SNTG2: variants seen among roughly 807,000 people sequenced by gnomAD.
The protein encoded by SNTG2 is syntrophin gamma 2, also known as gamma-2-syntrophin.
Under a neutral mutation model 70.9 loss-of-function variants are expected in SNTG2, and 74 were observed. The observed-to-expected ratio is 1.04, with a 90% CI of 0.86 to 1.27. The LOEUF is 1.27. SNTG2 is among the 50% of genes most tolerant of loss of function. SNTG2 has a pLI of 0.00. For missense variants in SNTG2, 717 were observed against 690.7 expected, an observed-to-expected ratio of 1.04 and a Z score of -0.43; for synonymous variants, 278 against 273.8, an observed-to-expected ratio of 1.02 and a Z score of -0.15.
At chr2:967,349 GTA>G (rs1336458504) in intron 1 of SNTG2, among the ~76,000 whole-genome samples, 3 of 152,192 alleles carry the variant, frequency 2.0e-5, no homozygotes, top group Non-Finnish European at 4.4e-5. Flanking sequence ...AAATGTCACC[GTA>G]TGTACTTTAG....
At chr2:1,355,164 A>G (rs531775858) in intron 16 of SNTG2, among the ~76,000 whole-genome samples, 1 of 152,338 alleles carries the variant, frequency 6.6e-6, no homozygotes, top group South Asian at 2.1e-4. Flanking sequence ...CTGGGAAATC[A>G]CGTAATCTTT....
intron 1 of SNTG2, among the ~76,000 whole-genome samples, chr2:1,045,327 TA>T (rs1031052419): frequency 1.3e-5 from 2 of 151,076 alleles, no homozygotes; most frequent in Non-Finnish European, 1.5e-5. Flanking sequence ...TTTTATTCAC[TA>T]AAAAAAAACT....
chr2:1,144,840 G>A (rs1572556999), intron 6 of SNTG2, among the ~76,000 whole-genome samples: 1 of 152,196 alleles, frequency 6.6e-6, no homozygotes, highest in East Asian at 1.9e-4. Context: ...GATTTGGGTG[G>A]GGACACAGCC....
chr2:1,318,908 C>T (rs1681407357), intron 16 of SNTG2, among the ~76,000 whole-genome samples: 1 of 152,188 alleles, frequency 6.6e-6, no homozygotes, highest in African/African-American at 2.4e-5. Context: ...CTTTCTGAGC[C>T]TCTGTCATCC....
chr2:1,176,707 GAC>G (rs1461081380), intron 8 of SNTG2, among the ~76,000 whole-genome samples: 1 of 151,510 alleles, frequency 6.6e-6, no homozygotes. Context: ...CTCAAAAGAA[GAC>G]ATTCATGTGG....
chr2:1,248,077 TA>T (rs1677540796), intron 12 of SNTG2, among the ~76,000 whole-genome samples: 1 of 152,196 alleles, frequency 6.6e-6, no homozygotes, highest in Non-Finnish European at 1.5e-5. Flanking sequence ...GAGCTTCAGG[TA>T]CCTACACGTT....
chr2:1,078,060 T>C (rs995616829), intron 1 of SNTG2, among the ~76,000 whole-genome samples: 2 of 152,220 alleles, frequency 1.3e-5, no homozygotes, highest in African/African-American at 4.8e-5. Context: ...ATTGTTAGAA[T>C]TGTAAGGCTA....
intron 1 of SNTG2, among the ~76,000 whole-genome samples, chr2:1,053,174 C>T (rs1662171739): frequency 6.6e-6 from 1 of 152,202 alleles, no homozygotes; most frequent in Non-Finnish European, 1.5e-5. Flanking sequence ...AGACATCAGT[C>T]AGCTTCCATT....
At chr2:1,138,296 A>G (rs1180878666) in intron 6 of SNTG2, among the ~76,000 whole-genome samples, 1 of 152,228 alleles carries the variant, frequency 6.6e-6, no homozygotes, top group Non-Finnish European at 1.5e-5. Flanking sequence ...TGAGGATCAC[A>G]TAAGATGGTG....
At chr2:1,261,914 C>T (rs1466761768) in intron 13 of SNTG2, among the ~76,000 whole-genome samples, 4 of 152,096 alleles carry the variant, frequency 2.6e-5, no homozygotes, top group African/African-American at 7.2e-5. Context: ...AAGCTCATCC[C>T]GAATCCCGCT....
chr2:1,054,387 T>G (rs1662260445), intron 1 of SNTG2, among the ~76,000 whole-genome samples: 1 of 152,200 alleles, frequency 6.6e-6, no homozygotes. Context: ...CTAGCATTTT[T>G]AATTATCTAA....
chr2:955,121 T>G (rs1056695572), intron 1 of SNTG2, among the ~76,000 whole-genome samples: 14 of 152,200 alleles, frequency 9.2e-5, no homozygotes, highest in African/African-American at 3.1e-4. Context: ...AACTGCTAAG[T>G]TTTAATTCTG....
intron 6 of SNTG2, among the ~76,000 whole-genome samples, chr2:1,157,488 C>T (rs1193494504): frequency 6.6e-6 from 1 of 152,218 alleles, no homozygotes; most frequent in Non-Finnish European, 1.5e-5. Flanking sequence ...AAGAGGCCTT[C>T]ACACTTAGAA....
chr2:1,306,774 C>T (rs1208190285), intron 14 of SNTG2, among the ~76,000 whole-genome samples: 1 of 148,182 alleles, frequency 6.7e-6, no homozygotes, highest in Non-Finnish European at 1.5e-5. Flanking sequence ...TGCTGTGTGT[C>T]ACCTGTGTAC....
intron 1 of SNTG2, among the ~76,000 whole-genome samples, chr2:985,644 C>T (rs1035453703): frequency 3.3e-5 from 5 of 152,106 alleles, no homozygotes; most frequent in African/African-American, 1.2e-4. Flanking sequence ...CTCAGGCCTT[C>T]AGTCAGAAAT....
chr2:1,340,540 A>G (rs960918548), intron 16 of SNTG2, among the ~76,000 whole-genome samples: 3 of 152,244 alleles, frequency 2.0e-5, no homozygotes, highest in Admixed American at 6.5e-5. Flanking sequence ...CCAAAAAGAT[A>G]TGATCACCTC....
rs78190893 is a variant in SNTG2, at chr2:1,295,322, G to T, written c.1285-13172G>T. Among the ~76,000 whole-genome samples the T allele has an allele frequency of 4.5e-3, 678 of 152,316 alleles. 4 individuals carry two copies. The highest frequency in any genetic ancestry group is 0.015 in the African/African-American group (636 of 41,564). On this transcript the variant is annotated intron_variant, in intron 14 of 16. Transcript: ENST00000308624. ...CCTGTCTTCTCCCCGTTCACTCTGAGGGAACTCTCTTCCCAGAATAATTTT... is the reference window on the plus strand; with the variant it reads ...CCTGTCTTCTCCCCGTTCACTCTGATGGAACTCTCTTCCCAGAATAATTTT...
chr2:1,033,112 A>G (rs1387827177), intron 1 of SNTG2, among the ~76,000 whole-genome samples: 1 of 152,192 alleles, frequency 6.6e-6, no homozygotes, highest in Non-Finnish European at 1.5e-5. Flanking sequence ...CTTACGAGAA[A>G]TATGCACCCA....
intron 1 of SNTG2, among the ~76,000 whole-genome samples, chr2:1,048,871 G>A (rs930680333): frequency 6.6e-6 from 1 of 152,104 alleles, no homozygotes; most frequent in African/African-American, 2.4e-5. Context: ...ATTCTTTTGT[G>A]AGGTGATGTT....
Sources: allele counts gnomAD v4.1 joint callset (sites outside exome capture counted in the v4.1 genomes callset), GRCh38; gene constraint gnomAD v4.1.1; transcripts MANE v1.5; gene names NCBI Gene and HGNC (gene_info 2026-07-23, HGNC 2026-07-21).